The following DIAPH2 variants were observed in gnomAD, a reference collection of about 807,000 sequenced individuals.
DIAPH2 encodes the protein protein diaphanous homolog 2.
A neutral mutation model predicts 92.7 loss-of-function variants in DIAPH2; 35 were observed. That is an observed-to-expected ratio of 0.38 (90% confidence interval 0.29 to 0.50). The LOEUF (loss-of-function observed/expected upper bound fraction) is 0.50, where lower values mean the gene tolerates loss of function less well. Ranked by LOEUF, DIAPH2 falls within the 20% of genes least tolerant of loss-of-function variation. The pLI is 0.94. For missense variants in DIAPH2, 701 were observed against 819.5 expected (o/e 0.86, Z 1.77); for synonymous variants, 301 against 280.4 (o/e 1.07, Z -0.73).
intron 17 of DIAPH2, among the ~76,000 whole-genome samples, chrX:97,054,519 G>C (rs1365108731): frequency 9.0e-6 from 1 of 111,447 alleles, no homozygotes; most frequent in Admixed American, 9.5e-5. Flanking sequence ...GAAGAGTTCA[G>C]GAAGGCATCT....
rs201740166 is a variant in DIAPH2, at chrX:97,457,742, T to TG, written c.3241+27998dup. Among the ~76,000 whole-genome samples, 30 of 111,899 alleles carry TG rather than the reference T, an allele frequency of 2.7e-4. No homozygotes were observed. The East Asian group carries it at 7.6e-3, about 28-fold the overall frequency. On this transcript the variant is annotated intron_variant, in intron 26 of 26. Coordinates refer to ENST00000324765, the MANE Select transcript of DIAPH2 (RefSeq NM_006729.5). ...CATATGTTGAAACATAATCCCAATG[T>TG]GATAGTATTAAATGGTGAGGCCTTT... is the stretch of plus-strand genomic sequence containing the variant.
At position 96,920,581 on chromosome X, in the gene DIAPH2, A is replaced by T. The variant is rs189154208; in HGVS notation, c.978+1964A>T. ...CAGCTGTGTAAGGGATAGAGCTGTA[A>T]TTTGAACCCATGTCTTTGTGATGCC... is the stretch of plus-strand genomic sequence containing the variant. On this transcript the variant is annotated intron_variant, in intron 9 of 26. Coordinates refer to ENST00000324765, the MANE Select transcript of DIAPH2 (RefSeq NM_006729.5). Among the ~76,000 whole-genome samples the T allele has an allele frequency of 1.0e-3, 112 of 111,909 alleles. 1 individual carries two copies. The highest frequency in any genetic ancestry group is 3.3e-3 in the African/African-American group (103 of 30,853).
At chrX:97,050,659 C>T (rs1297779359) in intron 17 of DIAPH2, among the ~76,000 whole-genome samples, 1 of 110,447 alleles carries the variant, frequency 9.1e-6, no homozygotes, top group African/African-American at 3.3e-5. Flanking sequence ...CTTTGTTATG[C>T]TCTTTGAGTG....
chrX:97,161,531 G>C (rs2067373447), intron 22 of DIAPH2, among the ~76,000 whole-genome samples: 1 of 110,558 alleles, frequency 9.0e-6, no homozygotes, highest in Non-Finnish European at 1.9e-5. Flanking sequence ...CTCCCAAGTA[G>C]CTGGACCCAC....
intron 20 of DIAPH2, among the ~76,000 whole-genome samples, chrX:97,103,522 C>T (rs2066919290): frequency 9.0e-6 from 1 of 111,566 alleles, no homozygotes; most frequent in African/African-American, 3.3e-5. Context: ...CTGTTCACAT[C>T]CAAAATACAC....
intron 23 of DIAPH2, among the ~76,000 whole-genome samples, chrX:97,323,170 T>G (rs1313124018): frequency 6.6e-5 from 7 of 106,535 alleles, no homozygotes; most frequent in Non-Finnish European, 1.4e-4. Flanking sequence ...CCTCCCAAAG[T>G]GCTGGGATTA....
At chrX:97,550,302 T>G (rs1038958128) in intron 26 of DIAPH2, among the ~76,000 whole-genome samples, 2 of 112,112 alleles carry the variant, frequency 1.8e-5, no homozygotes, top group Admixed American at 9.4e-5. Context: ...GAGGTTACAG[T>G]GGGCCGGGAT....
intron 22 of DIAPH2, among the ~76,000 whole-genome samples, chrX:97,199,869 T>C (rs1035984696): frequency 4.5e-5 from 5 of 111,779 alleles, no homozygotes; most frequent in African/African-American, 1.6e-4. Context: ...AAAGGTTACC[T>C]ACTTTTAAAA....
At chrX:97,595,100 G>A (rs921015122) in intron 26 of DIAPH2, among the ~76,000 whole-genome samples, 1 of 112,076 alleles carries the variant, frequency 8.9e-6, no homozygotes, top group Non-Finnish European at 1.9e-5. Flanking sequence ...GTCACATTGT[G>A]TTTAAGCTTT....
chrX:97,090,871 C>T (rs1447266083), intron 19 of DIAPH2, among the ~76,000 whole-genome samples: 1 of 111,661 alleles, frequency 9.0e-6, no homozygotes, highest in Non-Finnish European at 1.9e-5. Flanking sequence ...TGGGTGTGCA[C>T]GTTACCATTA....
intron 15 of DIAPH2, 46 bp from the exon 16 acceptor site, chrX:96,957,782 C>T (rs1246111497): frequency 1.1e-6 from 1 of 947,310 alleles, no homozygotes; most frequent in South Asian, 2.2e-5. Flanking sequence ...TCAGTTTTTT[C>T]AATTATATTT....
intron 26 of DIAPH2, among the ~76,000 whole-genome samples, chrX:97,476,025 G>A (rs1459566178): frequency 9.1e-6 from 1 of 109,707 alleles, no homozygotes; most frequent in Admixed American, 9.7e-5. Flanking sequence ...GCTTTGTGTT[G>A]TTAGAACCCA....
At chrX:97,194,506 G>C (rs5921575) in intron 22 of DIAPH2, among the ~76,000 whole-genome samples, 12 of 108,500 alleles carry the variant, frequency 1.1e-4, no homozygotes, top group Non-Finnish European at 2.1e-4. Context: ...GGATGGTCTC[G>C]ATCTCCCGAC....
intron 16 of DIAPH2, among the ~76,000 whole-genome samples, chrX:96,959,563 C>G (rs901207613): frequency 6.3e-5 from 7 of 111,976 alleles, no homozygotes; most frequent in African/African-American, 2.3e-4. Flanking sequence ...TCCCATTCAA[C>G]AGATTGTCTC....
intron 17 of DIAPH2, among the ~76,000 whole-genome samples, chrX:96,980,241 G>A (rs1017394121): frequency 1.4e-4 from 16 of 111,381 alleles, no homozygotes; most frequent in Admixed American, 8.6e-4. Context: ...AAATGTAGGG[G>A]ATGTTATTGC....
chrX:97,459,546 A>G (rs2070440351), intron 26 of DIAPH2, among the ~76,000 whole-genome samples: 1 of 112,336 alleles, frequency 8.9e-6, no homozygotes, highest in Admixed American at 9.4e-5. Flanking sequence ...CGTTTTATTG[A>G]TAAAAGCCAA....
At chrX:97,263,727 C>T (rs1329065652) in intron 23 of DIAPH2, among the ~76,000 whole-genome samples, 1 of 108,989 alleles carries the variant, frequency 9.2e-6, no homozygotes, top group East Asian at 2.9e-4. Flanking sequence ...GCTGGGATTA[C>T]AAGCATGTGC....
chrX:97,251,103 A>T (rs988205767), intron 23 of DIAPH2, among the ~76,000 whole-genome samples: 1 of 111,833 alleles, frequency 8.9e-6, no homozygotes, highest in Non-Finnish European at 1.9e-5. Flanking sequence ...ATTAGATGGT[A>T]TAGGAGAGAA....
chrX:97,215,999 T>C (rs752677320), intron 22 of DIAPH2, among the ~76,000 whole-genome samples: 8 of 112,333 alleles, frequency 7.1e-5, no homozygotes, highest in Non-Finnish European at 1.3e-4. Context: ...TTTCTGATAA[T>C]GTCAGAGACT....
Sources: allele counts gnomAD v4.1 joint callset (sites outside exome capture counted in the v4.1 genomes callset), GRCh38; gene constraint gnomAD v4.1.1; transcripts MANE v1.5; gene names NCBI Gene and HGNC (gene_info 2026-07-23, HGNC 2026-07-21).